Variants in HIGD1C observed in about 807,000 individuals in gnomAD.
HIGD1C encodes the protein HIG1 hypoxia inducible domain family member 1C.
A neutral mutation model predicts 13.1 loss-of-function variants in HIGD1C; 11 were observed. The observed-to-expected ratio is 0.84, with a 90% confidence interval of 0.53 to 1.39. The LOEUF (loss-of-function observed/expected upper bound fraction) is 1.39. Among genes scored for constraint, HIGD1C ranks in the 40% most tolerant of loss-of-function variants. HIGD1C has a pLI of 0.00. For synonymous variants in HIGD1C, 36 were observed against 37.7 expected (o/e 0.95, Z 0.17); for missense variants, 110 against 112.0 (o/e 0.98, Z 0.08).
upstream of HIGD1C, among the ~76,000 whole-genome samples, chr12:50,952,447 A>G (rs1291487234): frequency 9.1e-4 from 138 of 152,298 alleles, 2 homozygotes; most frequent in Non-Finnish European, 1.3e-4. Context: ...CTAGGTCCAC[A>G]TGGCTGCAGT....
At chr12:50,966,075 A>T (rs1224084371) in intron 2 of HIGD1C, among the ~76,000 whole-genome samples, 1 of 152,184 alleles carries the variant, frequency 6.6e-6, no homozygotes, top group East Asian at 1.9e-4. Flanking sequence ...TACTTAGACT[A>T]TTCTGATGAC....
intron 1 of HIGD1C, among the ~76,000 whole-genome samples, chr12:50,956,249 G>C (rs1347564868): frequency 6.6e-6 from 1 of 152,102 alleles, no homozygotes; most frequent in Non-Finnish European, 1.5e-5. Context: ...AAAATTAGCT[G>C]GGTGTGGTGG....
the HIGD1C span, among the ~76,000 whole-genome samples, chr12:50,944,444 T>C: frequency 2.6e-5 from 4 of 152,090 alleles, no homozygotes; most frequent in African/African-American, 4.8e-5. Context: ...TCACTTGAGG[T>C]TGGGAGTTCA....
At chr12:50,962,486 G>A (rs968914139) in intron 2 of HIGD1C, among the ~76,000 whole-genome samples, 3 of 151,912 alleles carry the variant, frequency 2.0e-5, no homozygotes, top group African/African-American at 4.8e-5. Flanking sequence ...GATCACTTAG[G>A]GTCAGGAGTT....
chr12:50,954,125 T>A, intron 1 of HIGD1C, 33 bp downstream of exon 3: 2 of 1,267,298 alleles, frequency 1.6e-6, no homozygotes, highest in Non-Finnish European at 2.3e-6. Flanking sequence ...TGCAGAAAAC[T>A]GTAATAACAC....
At chr12:50,955,154 A>G (rs1053393417) in intron 1 of HIGD1C, among the ~76,000 whole-genome samples, 4 of 152,132 alleles carry the variant, frequency 2.6e-5, no homozygotes, top group Admixed American at 2.0e-4. Context: ...TTGGCTGGGC[A>G]TTGTGGCACA....
intron 2 of HIGD1C, among the ~76,000 whole-genome samples, chr12:50,968,113 G>T (rs1234266098): frequency 6.6e-6 from 1 of 151,920 alleles, no homozygotes; most frequent in African/African-American, 2.4e-5. Context: ...AGGAGGAGGA[G>T]GAGGAGGAGG....
chr12:50,933,114 C>T, the HIGD1C span, among the ~76,000 whole-genome samples: 1 of 152,146 alleles, frequency 6.6e-6, no homozygotes. Flanking sequence ...TCAGAGAAAA[C>T]TGAGGTGTAG....
the HIGD1C span, chr12:50,935,148 A>G: frequency 6.6e-6 from 1 of 152,222 alleles, no homozygotes; most frequent in Admixed American, 6.5e-5. Flanking sequence ...TTATCTGTTA[A>G]AGTAATTAAA....
chr12:50,931,580 G>C, the HIGD1C span: 1 of 151,370 alleles, frequency 6.6e-6, no homozygotes, highest in Non-Finnish European at 1.5e-5. Context: ...GCGTGGTGGT[G>C]GGTGCCTGTA....
intron 2 of HIGD1C, 133 bp from the exon 5 acceptor site, chr12:50,970,309 A>G (rs1939715894): frequency 1.1e-5 from 7 of 656,552 alleles, no homozygotes; most frequent in African/African-American, 1.9e-5. Context: ...CAAACCAAAA[A>G]CTAGTAAGAA....
chr12:50,954,169 A>T, intron 1 of HIGD1C, 77 bp downstream of exon 3: 1 of 847,796 alleles, frequency 1.2e-6, no homozygotes. Flanking sequence ...TGCGGATTGA[A>T]ATGTTTCTTA....
the HIGD1C span, chr12:50,931,119 G>A: frequency 4.8e-5 from 7 of 146,364 alleles, no homozygotes; most frequent in African/African-American, 1.5e-4. Context: ...AAGGTTAAGA[G>A]CAGAGGTTTA....
chr12:50,970,560 TGAAG>T, downstream of HIGD1C: 2 of 1,118,036 alleles, frequency 1.8e-6, no homozygotes, highest in Non-Finnish European at 2.6e-6. Context: ...CTATTTATTA[TGAAG>T]AATAAATTTT....
chr12:50,945,336 C>A, the HIGD1C span, among the ~76,000 whole-genome samples: 1 of 152,178 alleles, frequency 6.6e-6, no homozygotes, highest in Non-Finnish European at 1.5e-5. Context: ...TAGAAAATCC[C>A]ATCGTCTCAG....
At chr12:50,934,922 G>A in the HIGD1C span, 3 of 151,288 alleles carry the variant, frequency 2.0e-5, no homozygotes, top group Non-Finnish European at 4.4e-5. Flanking sequence ...CACACACAAA[G>A]GTACATTAAA....
At chr12:50,963,798 A>G (rs571212152) in intron 2 of HIGD1C, among the ~76,000 whole-genome samples, 1 of 152,344 alleles carries the variant, frequency 6.6e-6, no homozygotes, top group South Asian at 2.1e-4. Flanking sequence ...TAATAAAAGG[A>G]AAGGAATTCT....
At chr12:50,970,848 T>C (rs1939735160), downstream of HIGD1C, among the ~76,000 whole-genome samples, 1 of 151,870 alleles carries the variant, frequency 6.6e-6, no homozygotes, top group South Asian at 2.1e-4. Flanking sequence ...AATTATATAA[T>C]GGTTACAGAA....
chr12:50,955,612 C>T (rs1347557565), intron 1 of HIGD1C, among the ~76,000 whole-genome samples: 1 of 152,166 alleles, frequency 6.6e-6, no homozygotes, highest in East Asian at 1.9e-4. Context: ...GTTACTCTGA[C>T]TCTAGCAACT....
Sources: allele counts gnomAD v4.1 joint callset (sites outside exome capture counted in the v4.1 genomes callset), GRCh38; gene constraint gnomAD v4.1.1; transcripts MANE v1.5; gene names NCBI Gene and HGNC (gene_info 2026-07-23, HGNC 2026-07-21).